NIPAL3: variants seen among roughly 807,000 people sequenced by gnomAD.
NIPAL3 encodes the protein NIPA like domain containing 3.
Under a neutral mutation model 47.2 loss-of-function variants are expected in NIPAL3, and 41 were observed. That is an observed-to-expected ratio of 0.87 (90% CI 0.68 to 1.13). The LOEUF is 1.13. Among genes scored for constraint, NIPAL3 ranks in the 50% most tolerant of loss-of-function variants. The pLI is 0.00. For missense variants in NIPAL3, 449 were observed against 530.1 expected (o/e 0.85, Z 1.50); for synonymous variants, 194 against 209.6 (o/e 0.93, Z 0.64).
chr1:24,462,472 A>G (rs1340019340), intron 10 of NIPAL3, among the ~76,000 whole-genome samples: 1 of 152,244 alleles, frequency 6.6e-6, no homozygotes, highest in Non-Finnish European at 1.5e-5. Flanking sequence ...AACAATTAAA[A>G]TAATGAGCTA....
chr1:24,456,658 G>A (rs767695029), intron 8 of NIPAL3, among the ~76,000 whole-genome samples: 8 of 152,210 alleles, frequency 5.3e-5, no homozygotes, highest in African/African-American at 7.2e-5. Flanking sequence ...AGCTACTCAG[G>A]AAGCTGAGAC....
chr1:24,419,322 T>C lies in NIPAL3; in HGVS notation c.-226T>C. The C allele has an allele frequency of 8.8e-6, 11 of 1,252,790 alleles. No individual in the cohort carries two copies. Among genetic ancestry groups the C allele is most frequent in the Non-Finnish European group, 1.0e-5 (10 of 998,786 alleles). The allele number at this position is 1,252,790 out of a possible 1,614,324, so 77.6% of individuals were successfully genotyped here. A position where few individuals can be genotyped will look rare whatever the true frequency, so the allele number is the denominator to read the frequency against. On this transcript the variant is annotated 5_prime_UTR_variant, in exon 2 of 12. Coordinates refer to ENST00000374399, the MANE Select transcript of NIPAL3 (RefSeq NM_020448.5). ...GCAAGAACTGGAAAACACACCCCTC[T>C]CTGTCTGCCTGGGAGAGCCACGGAA...
chr1:24,463,817 G>A (rs1202582872), intron 10 of NIPAL3, among the ~76,000 whole-genome samples: 1 of 152,044 alleles, frequency 6.6e-6, no homozygotes, highest in African/African-American at 2.4e-5. Flanking sequence ...TAGGGCATGT[G>A]AGGCCACTCC....
At chr1:24,435,136 C>G (rs951937913) in intron 2 of NIPAL3, among the ~76,000 whole-genome samples, 27 of 152,172 alleles carry the variant, frequency 1.8e-4, no homozygotes, top group African/African-American at 6.5e-4. Context: ...AACAAAGATG[C>G]TAAGACCATT....
intron 8 of NIPAL3, among the ~76,000 whole-genome samples, chr1:24,457,545 T>C (rs7518379): frequency 0.032 from 4,944 of 152,356 alleles, 274 homozygotes; most frequent in African/African-American, 0.11. Context: ...TTCTCAGTGC[T>C]TTATGGAACC....
intron 2 of NIPAL3, chr1:24,422,120 G>C (rs1324430119): frequency 6.6e-6 from 1 of 152,202 alleles, no homozygotes; most frequent in Non-Finnish European, 1.5e-5. Context: ...AGCGAAGATT[G>C]ACTCTGACAT....
chr1:24,445,350 T>G (rs761863551), intron 5 of NIPAL3, 106 bp downstream of exon 5: 7 of 781,456 alleles, frequency 9.0e-6, no homozygotes, highest in Non-Finnish European at 1.5e-5. Flanking sequence ...CCTGCTGTCC[T>G]CTGTGGTTCT....
At chr1:24,414,345 C>T (rs1376119385), upstream of NIPAL3, 1 of 149,250 alleles carries the variant, frequency 6.7e-6, no homozygotes, top group Non-Finnish European at 1.5e-5. Flanking sequence ...CACGCCCGGC[C>T]CCAAGCCCTG....
chr1:24,448,756 T>C (rs1557517802), intron 5 of NIPAL3, among the ~76,000 whole-genome samples: 2 of 151,046 alleles, frequency 1.3e-5, no homozygotes, highest in Admixed American at 1.3e-4. Flanking sequence ...TGACACTAAC[T>C]ACCAAACTGA....
At chr1:24,457,821 AG>A (rs769206106) in intron 8 of NIPAL3, 6 of 533,334 alleles carry the variant, frequency 1.1e-5, no homozygotes, top group African/African-American at 9.6e-5. Context: ...GAATGTCTCT[AG>A]GGAAATGCCC....
chr1:24,471,609 G>A lies in NIPAL3; in HGVS notation c.*2424G>A, dbSNP rs1255731019. 1 of 151,056 alleles carries A rather than the reference G, an allele frequency of 6.6e-6. No individual in the cohort carries two copies. Among genetic ancestry groups the A allele is most frequent in the Admixed American group, 6.6e-5 (1 of 15,130 alleles). 9.4% of individuals were successfully genotyped at this position (151,056 alleles called of 1,614,324 possible). On this transcript the variant is annotated 3_prime_UTR_variant, in exon 12 of 12. Transcript: ENST00000374399. ...AAAAAAAAAAAAAAAGATAAGCAGT[G>A]GAGGCCGAATCATGGAGGGTCTTGA...
intron 7 of NIPAL3, among the ~76,000 whole-genome samples, chr1:24,453,725 C>T (rs1646053225): frequency 1.3e-5 from 2 of 152,052 alleles, no homozygotes; most frequent in Admixed American, 1.3e-4. Context: ...GAAAATAGCA[C>T]TAAACAACTA....
At chr1:24,424,015 C>G (rs1335876197) in intron 2 of NIPAL3, among the ~76,000 whole-genome samples, 1 of 152,210 alleles carries the variant, frequency 6.6e-6, no homozygotes, top group Non-Finnish European at 1.5e-5. Flanking sequence ...ATATAAGAAT[C>G]TAAGAAAACT....
chr1:24,420,032 A>G (rs1391913735), intron 2 of NIPAL3: 1 of 164,332 alleles, frequency 6.1e-6, no homozygotes, highest in Non-Finnish European at 1.3e-5. Flanking sequence ...CAGTGAGCTG[A>G]GATGGTGCCG....
intron 5 of NIPAL3, among the ~76,000 whole-genome samples, chr1:24,446,795 G>A (rs1216242129): frequency 6.6e-6 from 1 of 152,078 alleles, no homozygotes; most frequent in Non-Finnish European, 1.5e-5. Flanking sequence ...CCAGTTAATG[G>A]GATTGCTGGG....
intron 4 of NIPAL3, among the ~76,000 whole-genome samples, chr1:24,444,533 C>T (rs1645563306): frequency 2.0e-5 from 3 of 152,156 alleles, no homozygotes; most frequent in Admixed American, 6.5e-5. Context: ...CTGGATCTAA[C>T]ACCGTATTTC....
rs751779186 is a variant in NIPAL3 at position 24,440,177 on chromosome 1, C to T, written c.99C>T (p.Asn33=). The part of the protein sequence containing the change: ...VSEASFSYKE[N]LIGALLAIFG... ...CCTGTGAACTTTCCTTACAGGAAAA[C>T]CTGATTGGCGCCCTCTTGGCGATCT... is the stretch of plus-strand genomic sequence containing the variant. The change falls in exon 3 of 12, where the codon AAC becomes AAT. Residue 33 remains asparagine, a synonymous_variant. Coordinates refer to ENST00000374399, the MANE Select transcript of NIPAL3 (RefSeq NM_020448.5). 6.3e-7 allele frequency: 1 copy of T among 1,585,932 alleles called. No individual in the cohort carries two copies. The highest frequency in any genetic ancestry group is 2.3e-5 in the East Asian group (1 of 43,156).
At chr1:24,414,035 C>T (rs973277178), upstream of NIPAL3, 2 of 152,174 alleles carry the variant, frequency 1.3e-5, no homozygotes, top group East Asian at 3.9e-4. Flanking sequence ...AATTAACATT[C>T]ATCCAAGCCC....
At chr1:24,444,564 T>C (rs912404485) in intron 4 of NIPAL3, among the ~76,000 whole-genome samples, 3 of 152,128 alleles carry the variant, frequency 2.0e-5, no homozygotes, top group African/African-American at 7.2e-5. Flanking sequence ...GAACTGAGAC[T>C]CAGGTGAAGT....
Sources: gnomAD v4.1 joint callset for allele counts (sites outside exome capture counted in the v4.1 genomes callset) on GRCh38, gnomAD v4.1.1 for gene constraint, MANE v1.5 for transcripts, NCBI Gene and HGNC (gene_info 2026-07-23, HGNC 2026-07-21) for gene names.